The following CCDC171 variants were observed in gnomAD, a reference collection of about 807,000 sequenced individuals.
CCDC171 encodes the protein coiled-coil domain containing 171.
Under a neutral mutation model 168.2 loss-of-function variants are expected in CCDC171, and 177 were observed. That is an observed-to-expected ratio of 1.05 (90% CI 0.93 to 1.19). The LOEUF is 1.19. Among genes scored for constraint, CCDC171 ranks in the 50% most tolerant of loss-of-function variants. The pLI is 0.00. For missense variants in CCDC171, 1,991 were observed against 1,539.0 expected (o/e 1.29, Z -4.91); for synonymous variants, 687 against 540.8 (o/e 1.27, Z -3.75).
At chr9:15,585,454 A>C (rs1441740990) in intron 4 of CCDC171, among the ~76,000 whole-genome samples, 2 of 152,208 alleles carry the variant, frequency 1.3e-5, no homozygotes, top group Admixed American at 6.5e-5. Flanking sequence ...TCTCCAAAAC[A>C]TGCTTAGTGA....
chr9:16,048,817 A>G (rs1364111269), intron 1 of CCDC171, among the ~76,000 whole-genome samples: 1 of 152,172 alleles, frequency 6.6e-6, no homozygotes, highest in African/African-American at 2.4e-5. Flanking sequence ...ATGAGTTATT[A>G]GAACAGTACC....
At chr9:15,675,421 T>A (rs753577828) in intron 9 of CCDC171, among the ~76,000 whole-genome samples, 2 of 152,132 alleles carry the variant, frequency 1.3e-5, no homozygotes, top group Non-Finnish European at 2.9e-5. Flanking sequence ...CATTATGATG[T>A]TAGCTGGTTA....
intron 18 of CCDC171, among the ~76,000 whole-genome samples, chr9:15,754,319 C>T (rs959902930): frequency 5.7e-4 from 86 of 151,954 alleles, no homozygotes; most frequent in African/African-American, 2.0e-3. Flanking sequence ...AAACTGGGCA[C>T]GTTATTTAAC....
At chr9:15,648,881 G>C (rs1215609455) in intron 7 of CCDC171, among the ~76,000 whole-genome samples, 1 of 152,140 alleles carries the variant, frequency 6.6e-6, no homozygotes, top group Admixed American at 6.5e-5. Context: ...TTTCTTCACA[G>C]AATTGGAAAA....
At chr9:15,870,711 C>T (rs1029615692) in intron 23 of CCDC171, among the ~76,000 whole-genome samples, 2 of 150,920 alleles carry the variant, frequency 1.3e-5, no homozygotes, top group South Asian at 2.1e-4. Flanking sequence ...TATAGCTGTG[C>T]ATGATAAAAG....
chr9:15,990,493 G>A (rs148730188), intron 3 of CCDC171, among the ~76,000 whole-genome samples: 11,712 of 152,138 alleles, frequency 0.077, 1,481 homozygotes, highest in African/African-American at 0.27. Flanking sequence ...AAAGACCATC[G>A]ATGCTAGGAA....
chr9:15,740,703 G>C (rs888293784), intron 16 of CCDC171, among the ~76,000 whole-genome samples: 5 of 152,152 alleles, frequency 3.3e-5, no homozygotes, highest in Admixed American at 6.5e-5. Flanking sequence ...GCCTCCCAAA[G>C]TGCTGGGATT....
chr9:16,093,904 C>A, the CCDC171 span, among the ~76,000 whole-genome samples: 1 of 152,162 alleles, frequency 6.6e-6, no homozygotes, highest in Admixed American at 6.5e-5. Flanking sequence ...ATTGGGGTAG[C>A]TGCCAGATTG....
At chr9:16,069,585 C>T in the CCDC171 span, among the ~76,000 whole-genome samples, 1 of 152,236 alleles carries the variant, frequency 6.6e-6, no homozygotes, top group East Asian at 1.9e-4. Context: ...CAGCTCTGGT[C>T]AGGGAACTGT....
intron 11 of CCDC171, among the ~76,000 whole-genome samples, chr9:15,705,140 C>T (rs189092271): frequency 6.2e-4 from 82 of 132,586 alleles, no homozygotes; most frequent in African/African-American, 2.0e-3. Context: ...ACTCAGATAA[C>T]TAAGTGTGGT....
At chr9:16,059,803 C>T (rs1381988887) in intron 1 of CCDC171, among the ~76,000 whole-genome samples, 6 of 151,320 alleles carry the variant, frequency 4.0e-5, no homozygotes, top group Non-Finnish European at 8.8e-5. Context: ...CGTGAGCCAC[C>T]GCGCCTGGCC....
At chr9:15,633,086 C>G (rs990867254) in intron 7 of CCDC171, among the ~76,000 whole-genome samples, 4 of 152,166 alleles carry the variant, frequency 2.6e-5, no homozygotes, top group African/African-American at 9.7e-5. Context: ...AAAACCTAGG[C>G]ATTAGCATTC....
chr9:15,917,946 G>A (rs1824764293), intron 24 of CCDC171, among the ~76,000 whole-genome samples: 1 of 151,664 alleles, frequency 6.6e-6, no homozygotes. Flanking sequence ...TTAGATTTTA[G>A]TGGAGAATTT....
At chr9:16,096,020 TC>T in the CCDC171 span, among the ~76,000 whole-genome samples, 1 of 151,974 alleles carries the variant, frequency 6.6e-6, no homozygotes, top group Non-Finnish European at 1.5e-5. Context: ...GTGAAGGTTT[TC>T]CTCCTTCATT....
At chr9:15,627,497 C>T (rs1338813451) in intron 7 of CCDC171, among the ~76,000 whole-genome samples, 1 of 152,142 alleles carries the variant, frequency 6.6e-6, no homozygotes. Context: ...GAATGTGTCC[C>T]AGAGAGTCTG....
At chr9:15,830,869 G>A (rs2060200555) in intron 21 of CCDC171, among the ~76,000 whole-genome samples, 1 of 151,854 alleles carries the variant, frequency 6.6e-6, no homozygotes, top group East Asian at 1.9e-4. Context: ...GTTGAAGAAT[G>A]CCTGTAAAGT....
chr9:15,837,332 T>C (rs1305058772), intron 21 of CCDC171, among the ~76,000 whole-genome samples: 1 of 152,168 alleles, frequency 6.6e-6, no homozygotes, highest in African/African-American at 2.4e-5. Context: ...GGTGAATGGG[T>C]TGGTTACAGA....
intron 21 of CCDC171, among the ~76,000 whole-genome samples, chr9:15,800,634 A>G (rs945812403): frequency 2.6e-5 from 4 of 151,576 alleles, no homozygotes; most frequent in Admixed American, 1.3e-4. Flanking sequence ...CCATTTGTCT[A>G]TTTTTTCTTT....
At chr9:15,879,085 A>T (rs75795773) in intron 24 of CCDC171, among the ~76,000 whole-genome samples, 7,130 of 152,238 alleles carry the variant, frequency 0.047, 355 homozygotes, top group South Asian at 0.13. Context: ...TTACCTATAT[A>T]ACAAGCCTGC....
Sources: gnomAD v4.1 joint callset for allele counts (sites outside exome capture counted in the v4.1 genomes callset) on GRCh38, gnomAD v4.1.1 for gene constraint, MANE v1.5 for transcripts, NCBI Gene and HGNC (gene_info 2026-07-23, HGNC 2026-07-21) for gene names.